Variants in CDCA2 observed in about 807,000 individuals in gnomAD.
CDCA2 encodes the protein cell division cycle-associated protein 2.
Under a neutral mutation model 67.0 loss-of-function variants are expected in CDCA2, and 44 were observed. The observed-to-expected ratio is 0.66, with a 90% CI of 0.52 to 0.84. The LOEUF (loss-of-function observed/expected upper bound fraction) is 0.84, where lower values mean the gene tolerates loss of function less well. Among genes scored for constraint, CDCA2 ranks in the 40% least tolerant of loss-of-function variants. The pLI is 0.00. For missense variants in CDCA2, 1,253 were observed against 1,203.2 expected (o/e 1.04, Z -0.61); for synonymous variants, 447 against 418.7 (o/e 1.07, Z -0.82).
chr8:25,484,324 C>A, intron 10 of CDCA2, 114 bp downstream of exon 10: 1 of 1,353,638 alleles, frequency 7.4e-7, no homozygotes, highest in Non-Finnish European at 1.0e-6. Context: ...AATGATATGC[C>A]ATGGTTTAAA....
Position 25,488,662 on chromosome 8 carries a change from A to T in CDCA2, c.1644A>T (p.Thr548=), listed in dbSNP as rs1244216306. ...GGAAGTCTCAAGAAACAAAGTGTAC[A>T]AAGAGAGCACTTCCTAAGAAGAGTC... ...NRRKSQETKC[T]KRALPKKSQV... The change falls in exon 13 of 15, where the codon ACA becomes ACT. Residue 548 remains threonine (T), a synonymous_variant. Coordinates refer to ENST00000330560, the MANE Select transcript of CDCA2 (RefSeq NM_152562.4). 6.2e-7 allele frequency: 1 copy of T among 1,611,134 alleles called. No homozygotes were observed. The highest frequency in any genetic ancestry group is 1.3e-5 in the African/African-American group (1 of 74,750).
At chr8:25,460,182 C>T (rs1563255134) in intron 1 of CDCA2, 58 bp from the exon 2 acceptor site, 4 of 1,525,530 alleles carry the variant, frequency 2.6e-6, no homozygotes, top group East Asian at 2.3e-5. Context: ...GGTACGTGAT[C>T]GAATCACGTT....
chr8:25,495,233 T>C (rs1458990776), intron 13 of CDCA2, among the ~76,000 whole-genome samples: 1 of 152,190 alleles, frequency 6.6e-6, no homozygotes, highest in Non-Finnish European at 1.5e-5. Context: ...TGTACTGTTT[T>C]TCAGTTTTGA....
chr8:25,487,243 C>A lies in CDCA2; in HGVS notation c.1445-3C>A, dbSNP rs1803813188. ...CTGATTTAGCTTTTGTCTTGTTTAT[C>A]AGGCACTGATACCTTTAGTTCTTCA... is the stretch of plus-strand genomic sequence containing the variant. On this transcript the variant is annotated splice_polypyrimidine_tract_variant and splice_region_variant and intron_variant, in intron 11 of 14. Transcript: ENST00000330560. 2 of 1,602,630 alleles carry A rather than the reference C, an allele frequency of 1.2e-6. No homozygotes were observed. Among genetic ancestry groups the A allele is most frequent in the East Asian group, 4.5e-5 (2 of 44,724 alleles).
intron 4 of CDCA2, among the ~76,000 whole-genome samples, chr8:25,464,329 T>A (rs35698191): frequency 0.21 from 32,388 of 152,136 alleles, 4,074 homozygotes; most frequent in East Asian, 0.55. Context: ...AGTTGGAGGA[T>A]CGTTTGAGCC....
At chr8:25,503,944 T>C (rs916123624) in intron 14 of CDCA2, among the ~76,000 whole-genome samples, 7 of 152,114 alleles carry the variant, frequency 4.6e-5, no homozygotes, top group African/African-American at 1.7e-4. Flanking sequence ...CCCAACCATT[T>C]GGGAGCCTAA....
chr8:25,501,967 G>A (rs574950677), intron 13 of CDCA2, among the ~76,000 whole-genome samples: 2 of 152,064 alleles, frequency 1.3e-5, no homozygotes, highest in Admixed American at 1.3e-4. Flanking sequence ...GCGCGATCTC[G>A]GCTCACTGCA....
At chr8:25,460,133 A>C in intron 1 of CDCA2, 107 bp from the exon 2 acceptor site, 1 of 1,047,046 alleles carries the variant, frequency 9.6e-7, no homozygotes, top group Non-Finnish European at 1.5e-6. Flanking sequence ...GTGTGTTTCT[A>C]TGCCAGTATG....
At chr8:25,497,264 A>T (rs1384843274) in intron 13 of CDCA2, among the ~76,000 whole-genome samples, 1 of 152,190 alleles carries the variant, frequency 6.6e-6, no homozygotes, top group Non-Finnish European at 1.5e-5. Flanking sequence ...TATCCAAAGG[A>T]AATCAGTATA....
At chr8:25,468,118 CAAAAAA>C (rs60060887) in intron 5 of CDCA2, 93 bp from the exon 6 acceptor site, 59 of 159,778 alleles carry the variant, frequency 3.7e-4, no homozygotes, top group Non-Finnish European at 5.0e-4. Context: ...AACTCCGTCT[CAAAAAA>C]AAAAAAAAAA....
chr8:25,462,717 C>T (rs973001466), intron 4 of CDCA2, among the ~76,000 whole-genome samples: 1 of 152,130 alleles, frequency 6.6e-6, no homozygotes, highest in Non-Finnish European at 1.5e-5. Flanking sequence ...ATCTCAGTTG[C>T]CCAGGCTGGA....
intron 8 of CDCA2, among the ~76,000 whole-genome samples, chr8:25,482,697 C>G (rs1025115188): frequency 2.0e-5 from 3 of 152,086 alleles, no homozygotes; most frequent in African/African-American, 7.2e-5. Context: ...GGCGAAACCT[C>G]GTCTCTACAA....
intron 2 of CDCA2, 40 bp from the exon 3 acceptor site, chr8:25,460,342 CAG>C (rs775708799): frequency 2.5e-5 from 40 of 1,614,000 alleles, no homozygotes; most frequent in Admixed American, 5.0e-5. Flanking sequence ...AAGGTTTAGA[CAG>C]AGAGTTGTCC....
At chr8:25,487,563 A>G (rs1803830244) in intron 12 of CDCA2, among the ~76,000 whole-genome samples, 1 of 152,036 alleles carries the variant, frequency 6.6e-6, no homozygotes, top group Non-Finnish European at 1.5e-5. Context: ...AACACGGTAA[A>G]ATCCCATCTC....
chr8:25,481,558 CG>C (rs1039601883), intron 8 of CDCA2, among the ~76,000 whole-genome samples: 1 of 151,954 alleles, frequency 6.6e-6, no homozygotes, highest in African/African-American at 2.4e-5. Context: ...GGCGTAGTGG[CG>C]GGCACCTGTA....
chr8:25,476,663 C>T (rs1803363052), intron 7 of CDCA2, among the ~76,000 whole-genome samples: 1 of 151,996 alleles, frequency 6.6e-6, no homozygotes, highest in African/African-American at 2.4e-5. Context: ...GGTGATTCTC[C>T]TAACCCAGCC....
At chr8:25,503,623 T>C in intron 14 of CDCA2, 79 bp downstream of exon 14, 1 of 1,401,538 alleles carries the variant, frequency 7.1e-7, no homozygotes, top group Admixed American at 2.3e-5. Flanking sequence ...TTTTTCACTT[T>C]TTTCCCATTC....
chr8:25,478,884 G>GTACA (rs1395153332), intron 7 of CDCA2, among the ~76,000 whole-genome samples: 10 of 117,566 alleles, frequency 8.5e-5, no homozygotes, highest in African/African-American at 3.8e-4. Context: ...CTTGTTGTGT[G>GTACA]TGTGTATATA....
chr8:25,460,418 T>C lies in CDCA2; in HGVS notation c.96T>C (p.Ile32=), dbSNP rs760425123. 14 of 1,614,052 alleles carry C rather than the reference T, an allele frequency of 8.7e-6. 1 individual carries two copies. In the Middle Eastern group the frequency reaches 6.6e-4, roughly 76 times the overall value. Residue 32 remains isoleucine (I), a synonymous_variant, in exon 3 of 15, where the codon ATT becomes ATC. Coordinates refer to ENST00000330560, the MANE Select transcript of CDCA2 (RefSeq NM_152562.4). ...CTTTCATTTTGGGAACTGGGAAGAT[T>C]GTGACTCCTCAGAAGCATGCCGAAT... ...NASFILGTGK[I]VTPQKHAELP...
Sources: allele counts gnomAD v4.1 joint callset (sites outside exome capture counted in the v4.1 genomes callset), GRCh38; gene constraint gnomAD v4.1.1; transcripts MANE v1.5; gene names NCBI Gene and HGNC (gene_info 2026-07-23, HGNC 2026-07-21).